Variants in THOC2 observed in about 807,000 individuals in gnomAD.
The protein encoded by THOC2 is THO complex subunit 2.
In THOC2, 10 loss-of-function variants were observed where a neutral mutation model predicts 128.4. The ratio of observed to expected loss-of-function variants is 0.08; its 90% CI spans 0.05 to 0.13. THOC2 has a LOEUF of 0.13. THOC2 is among the 10% of genes least tolerant of loss of function. The pLI is 1.00. For missense variants in THOC2, 535 were observed against 1,155.7 expected, an observed-to-expected ratio of 0.46 and a Z score of 7.79; for synonymous variants, 393 against 396.9, an observed-to-expected ratio of 0.99 and a Z score of 0.12.
intron 25 of THOC2, among the ~76,000 whole-genome samples, chrX:123,625,350 G>A (rs954804508): frequency 9.0e-6 from 1 of 110,999 alleles, no homozygotes; most frequent in African/African-American, 3.3e-5. Context: ...CACCCGCCTC[G>A]GCCTCCCGAA....
At chrX:123,661,778 G>A (rs779269786) in intron 12 of THOC2, among the ~76,000 whole-genome samples, 2 of 111,423 alleles carry the variant, frequency 1.8e-5, no homozygotes, top group South Asian at 3.7e-4. Context: ...ATGTAAATTT[G>A]TGAGCATTAA....
chrX:123,620,855 T>C (rs780758571), intron 32 of THOC2, 52 bp downstream of exon 32: 1 of 1,142,300 alleles, frequency 8.8e-7, no homozygotes, highest in South Asian at 1.9e-5. Flanking sequence ...GACACTGGTA[T>C]TCCAAACAGG....
At chrX:123,625,169 G>A (rs897737368) in intron 25 of THOC2, among the ~76,000 whole-genome samples, 3 of 111,510 alleles carry the variant, frequency 2.7e-5, no homozygotes, top group Non-Finnish European at 5.7e-5. Flanking sequence ...TAGGCTCACT[G>A]CAAGCTCCGC....
At chrX:123,729,085 CTA>C (rs1171723036) in intron 1 of THOC2, among the ~76,000 whole-genome samples, 2 of 112,144 alleles carry the variant, frequency 1.8e-5, no homozygotes, top group Non-Finnish European at 3.8e-5. Context: ...AATCAAGAAA[CTA>C]AAACTAATTC....
chrX:123,697,801 A>C (rs995257750), intron 4 of THOC2, 50 bp from the exon 5 acceptor site: 3 of 521,341 alleles, frequency 5.8e-6, no homozygotes, highest in Non-Finnish European at 9.1e-6. Flanking sequence ...TAGACTCCCC[A>C]GCACTAAAGT....
intron 2 of THOC2, among the ~76,000 whole-genome samples, chrX:123,707,965 T>TAA (rs770586957): frequency 1.2e-5 from 1 of 85,534 alleles, no homozygotes; most frequent in Non-Finnish European, 2.3e-5. Flanking sequence ...TCATCTCTAC[T>TAA]AAAAAAAAAA....
At chrX:123,658,319 T>C (rs1203642020) in intron 12 of THOC2, among the ~76,000 whole-genome samples, 1 of 111,709 alleles carries the variant, frequency 9.0e-6, no homozygotes, top group Non-Finnish European at 1.9e-5. Flanking sequence ...TGAACACTGA[T>C]CATCTAAATG....
chrX:123,730,062 T>C (rs1371171532), intron 1 of THOC2, among the ~76,000 whole-genome samples: 1 of 112,469 alleles, frequency 8.9e-6, no homozygotes, highest in African/African-American at 3.2e-5. Context: ...CTGACTATAC[T>C]GATTTGGATC....
intron 36 of THOC2, among the ~76,000 whole-genome samples, chrX:123,612,741 A>G (rs1474201670): frequency 1.8e-5 from 2 of 112,147 alleles, no homozygotes; most frequent in Non-Finnish European, 3.8e-5. Context: ...GCATAGAATT[A>G]AAATGTTCAT....
intron 1 of THOC2, among the ~76,000 whole-genome samples, chrX:123,728,167 C>A (rs2148003535): frequency 9.2e-6 from 1 of 109,213 alleles, no homozygotes; most frequent in East Asian, 2.9e-4. Flanking sequence ...ACATAACCCA[C>A]AAAAATGAAT....
chrX:123,639,924 G>A (rs969928180), intron 16 of THOC2, among the ~76,000 whole-genome samples: 4 of 112,149 alleles, frequency 3.6e-5, no homozygotes, highest in African/African-American at 6.5e-5. Context: ...GGTGGCTCAC[G>A]CCTATAATCC....
At chrX:123,683,434 C>T (rs1404750930) in intron 8 of THOC2, among the ~76,000 whole-genome samples, 2 of 110,931 alleles carry the variant, frequency 1.8e-5, no homozygotes, top group Non-Finnish European at 3.8e-5. Context: ...ACAGATTGAC[C>T]ATATATGCTT....
At chrX:123,695,301 A>T (rs1211313703) in intron 7 of THOC2, among the ~76,000 whole-genome samples, 1 of 112,092 alleles carries the variant, frequency 8.9e-6, no homozygotes, top group East Asian at 2.8e-4. Flanking sequence ...CCACCTCAGG[A>T]AAATCTGGAT....
Position 123,680,965 on chromosome X carries a change from TTC to T in THOC2, c.768+5581_768+5582del, listed in dbSNP as rs374368414. Among the ~76,000 whole-genome samples the T allele has an allele frequency of 6.9e-3, 720 of 104,115 alleles. 4 individuals carry two copies. The highest frequency in any genetic ancestry group is 0.025 in the Middle Eastern group (5 of 198). 90.4% of individuals were successfully genotyped at this position (104,115 alleles called of 115,157 possible). A position where few individuals can be genotyped will look rare whatever the true frequency, so the allele number is the denominator to read the frequency against. On this transcript the variant is annotated intron_variant, in intron 8 of 38. Transcript: ENST00000245838. ...CTAAGTAACCACACACACACATGCA[TTC>T]TCTCTCTCTCTCTCTCTCTCACCAC... is the stretch of plus-strand genomic sequence containing the variant.
At chrX:123,604,248 T>C (rs2046385862) in intron 38 of THOC2, among the ~76,000 whole-genome samples, 1 of 112,054 alleles carries the variant, frequency 8.9e-6, no homozygotes, top group African/African-American at 3.2e-5. Context: ...GTATTGGTAA[T>C]ATCACATACC....
At chrX:123,629,774 T>TTGAAA (rs2047405450) in intron 22 of THOC2, among the ~76,000 whole-genome samples, 1 of 111,560 alleles carries the variant, frequency 9.0e-6, no homozygotes. Flanking sequence ...ACAGGTCTTA[T>TTGAAA]TGAAGGTAAC....
chrX:123,634,598 T>G (rs936997129), intron 19 of THOC2, among the ~76,000 whole-genome samples: 1 of 111,968 alleles, frequency 8.9e-6, no homozygotes, highest in Non-Finnish European at 1.9e-5. Context: ...CTACCATTCA[T>G]ATTTCATTTT....
At chrX:123,688,383 T>A (rs1461512869) in intron 7 of THOC2, among the ~76,000 whole-genome samples, 2 of 112,046 alleles carry the variant, frequency 1.8e-5, no homozygotes, top group Non-Finnish European at 3.8e-5. Flanking sequence ...GTACACACTG[T>A]ACGATTCCAT....
intron 1 of THOC2, among the ~76,000 whole-genome samples, chrX:123,715,831 TAA>T (rs1225365110): frequency 2.8e-5 from 3 of 105,730 alleles, no homozygotes; most frequent in Non-Finnish European, 5.9e-5. Context: ...TCAATAAAAT[TAA>T]GAGTTTTTTT....
Sources: allele counts gnomAD v4.1 joint callset (sites outside exome capture counted in the v4.1 genomes callset), GRCh38; gene constraint gnomAD v4.1.1; transcripts MANE v1.5; gene names NCBI Gene and HGNC (gene_info 2026-07-23, HGNC 2026-07-21).